GALR1: variants seen among roughly 807,000 people sequenced by gnomAD.
GALR1 encodes galanin receptor type 1.
GALR1 carries 11 observed loss-of-function variants against 17.9 expected under a neutral mutation model. The ratio of observed to expected loss-of-function variants is 0.62; its 90% CI spans 0.39 to 1.02. The LOEUF (loss-of-function observed/expected upper bound fraction) is 1.02, where lower values mean the gene tolerates loss of function less well. GALR1 is among the 50% of genes least tolerant of loss of function. The pLI, the probability that GALR1 is intolerant of heterozygous loss-of-function variation, is 0.01. For synonymous variants in GALR1, 206 were observed against 205.7 expected (o/e 1.00, Z -0.01); for missense variants, 441 against 456.9 (o/e 0.97, Z 0.32).
At position 77,271,257 on chromosome 18, in the gene GALR1, C is replaced by CA. The variant is rs1293146503; in HGVS notation, c.*2355_*2356insA. The CA allele has an allele frequency of 9.6e-6, 1 of 103,808 alleles. No individual in the cohort carries two copies. Among genetic ancestry groups the CA allele is most frequent in the African/African-American group, 3.8e-5 (1 of 26,468 alleles). 6.4% of individuals were successfully genotyped at this position (103,808 alleles called of 1,614,324 possible). A position where few individuals can be genotyped will look rare whatever the true frequency, so the allele number is the denominator to read the frequency against. Reference sequence around the variant, plus strand: ...AGCTTGCGCTTGAAACCCCCCCCCCCCCGCCACTTTGCTAAATGTAAATGC... The same window carrying CA: ...AGCTTGCGCTTGAAACCCCCCCCCCCACCGCCACTTTGCTAAATGTAAATGC... On this transcript the variant is annotated 3_prime_UTR_variant, in exon 3 of 3. Transcript: ENST00000299727.
chr18:77,263,599 A>G (rs905265938), intron 2 of GALR1, among the ~76,000 whole-genome samples: 4 of 152,126 alleles, frequency 2.6e-5, no homozygotes, highest in Non-Finnish European at 5.9e-5. Flanking sequence ...CTTAACTCTC[A>G]TCTCCTGTCC....
chr18:77,269,090 T>A lies in GALR1; in HGVS notation c.*188T>A. 1.8e-6 allele frequency: 1 copy of A among 570,804 alleles called. No homozygotes were observed. Among genetic ancestry groups the A allele is most frequent in the South Asian group, 2.3e-5 (1 of 42,900 alleles). 35.4% of individuals were successfully genotyped at this position (570,804 alleles called of 1,614,324 possible). On this transcript the variant is annotated 3_prime_UTR_variant, in exon 3 of 3. Coordinates refer to ENST00000299727, the MANE Select transcript of GALR1 (RefSeq NM_001480.4). ...AGGAAATTCCTAGGTCTAGTGAGAA[T>A]TATTTTTCAATTTTATTTTAGTTCT...
rs748507471 is a variant in GALR1 at position 77,272,105 on chromosome 18, A to G, written c.*3203A>G. The G allele has an allele frequency of 6.6e-6, 1 of 152,148 alleles. No individual in the cohort carries two copies. The highest frequency in any genetic ancestry group is 1.5e-5 in the Non-Finnish European group (1 of 68,020). 9.4% of individuals were successfully genotyped at this position (152,148 alleles called of 1,614,324 possible). A position where few individuals can be genotyped will look rare whatever the true frequency, so the allele number is the denominator to read the frequency against. Reference sequence around the variant, plus strand: ...AATCTCTTGTGCTTTTATCTTTTTTATCCTAACTCACTTCTATCCAGATTT... The same window carrying G: ...AATCTCTTGTGCTTTTATCTTTTTTGTCCTAACTCACTTCTATCCAGATTT... On this transcript the variant is annotated 3_prime_UTR_variant, in exon 3 of 3. Transcript: ENST00000299727.
chr18:77,250,633 A>C lies in GALR1; in HGVS notation c.85A>C (p.Ile29Leu). 6.3e-7 allele frequency: 1 copy of C among 1,596,048 alleles called. No homozygotes were observed. Among genetic ancestry groups the C allele is most frequent in the African/African-American group, 1.3e-5 (1 of 74,552 alleles). ...CCCGGAGCCCGGGCCGCTGTTCGGC[A>C]TCGGCGTGGAGAACTTCGTCACGCT... is the stretch of plus-strand genomic sequence containing the variant. ...PAPEPGPLFG[I>L]GVENFVTLVV... The change falls in exon 1 of 3, where the codon ATC (isoleucine) becomes CTC (leucine). Residue 29 changes from isoleucine to leucine, a missense_variant. Transcript: ENST00000299727.
rs369056851 is a variant in GALR1, at chr18:77,262,481, AT to A, written c.733-6103del. 2.6e-4 allele frequency among the ~76,000 whole-genome samples: 40 copies of A among 152,284 alleles called. No homozygotes were observed. The South Asian group carries it at 7.9e-3, about 30-fold the overall frequency. Reference sequence around the variant, plus strand: ...TTGCAAGGGAAGAATGAAGACAAAAATCATCTACTGTTTTCAACCATGCACA... The same window carrying A: ...TTGCAAGGGAAGAATGAAGACAAAAACATCTACTGTTTTCAACCATGCACA... On this transcript the variant is annotated intron_variant, in intron 2 of 2. Transcript: ENST00000299727.
At position 77,269,079 on chromosome 18, in the gene GALR1, T is replaced by C. The variant is rs1599365885; in HGVS notation, c.*177T>C. 3 of 586,182 alleles carry C rather than the reference T, an allele frequency of 5.1e-6. No individual in the cohort carries two copies. Among genetic ancestry groups the C allele is most frequent in the East Asian group, 5.8e-5 (2 of 34,770 alleles). 36.3% of individuals were successfully genotyped at this position (586,182 alleles called of 1,614,324 possible). ...TTGATCCATTTAGGAAATTCCTAGG[T>C]CTAGTGAGAATTATTTTTCAATTTT... On this transcript the variant is annotated 3_prime_UTR_variant, in exon 3 of 3. Coordinates refer to ENST00000299727, the MANE Select transcript of GALR1 (RefSeq NM_001480.4).
chr18:77,262,782 C>T (rs1912860690), intron 2 of GALR1, among the ~76,000 whole-genome samples: 1 of 152,198 alleles, frequency 6.6e-6, no homozygotes, highest in Admixed American at 6.5e-5. Context: ...CCCATTAAGC[C>T]TTCTTTCCTG....
intron 1 of GALR1, among the ~76,000 whole-genome samples, chr18:77,252,926 C>CCACCACCACCACCACCACCACCAT (rs1912477348): frequency 4.4e-5 from 2 of 45,958 alleles, no homozygotes; most frequent in Admixed American, 2.1e-4. Flanking sequence ...ACCACCATCA[C>CCACCACCACCACCACCACCACCAT]CACCACCACC....
At chr18:77,266,928 C>T (rs1912955240) in intron 2 of GALR1, among the ~76,000 whole-genome samples, 1 of 152,204 alleles carries the variant, frequency 6.6e-6, no homozygotes. Flanking sequence ...GGATTGCTGC[C>T]AGCTCACGCT....
intron 2 of GALR1, among the ~76,000 whole-genome samples, chr18:77,258,411 TC>T (rs199755265): frequency 0.014 from 2,144 of 151,862 alleles, 28 homozygotes; most frequent in Middle Eastern, 0.052. Flanking sequence ...TTTAATTGCC[TC>T]CTTGTTTGCA....
chr18:77,257,443 T>G (rs1912616062), intron 2 of GALR1, among the ~76,000 whole-genome samples: 1 of 152,238 alleles, frequency 6.6e-6, no homozygotes, highest in Non-Finnish European at 1.5e-5. Context: ...AATATTTCAT[T>G]TTAGGCATCT....
intron 2 of GALR1, among the ~76,000 whole-genome samples, chr18:77,266,538 T>C (rs1298882096): frequency 6.6e-6 from 1 of 152,220 alleles, no homozygotes; most frequent in Non-Finnish European, 1.5e-5. Context: ...CAGTACCAAT[T>C]TACCGTATTA....
At chr18:77,263,584 G>C (rs72980620) in intron 2 of GALR1, among the ~76,000 whole-genome samples, 1 of 151,992 alleles carries the variant, frequency 6.6e-6, no homozygotes, top group Non-Finnish European at 1.5e-5. Context: ...CCTCTCGATA[G>C]GGAGCTTAAC....
rs1196520967 is a variant in GALR1 at position 77,273,493 on chromosome 18, T to A, written c.*4591T>A. 2 of 151,808 alleles carry A rather than the reference T, an allele frequency of 1.3e-5. No individual in the cohort carries two copies. The highest frequency in any genetic ancestry group is 2.4e-5 in the African/African-American group (1 of 41,292). The allele number at this position is 151,808 out of a possible 1,614,324, so 9.4% of individuals were successfully genotyped here. ...CCGTCTCTACTAAAAATACAAAAAT[T>A]AGCTGGGGGCACACATGTGTGATCC... On this transcript the variant is annotated 3_prime_UTR_variant, in exon 3 of 3. Transcript: ENST00000299727.
rs1350878956 is a variant in GALR1 at position 77,250,760 on chromosome 18, A to C, written c.212A>C (p.Asn71Thr). The C allele has an allele frequency of 1.2e-6, 2 of 1,613,948 alleles. No individual in the cohort carries two copies. Among genetic ancestry groups the C allele is most frequent in the Admixed American group, 3.3e-5 (2 of 60,032 alleles). Residue 71 changes from asparagine to threonine, a missense_variant, in exon 1 of 3, where the codon AAC (asparagine) becomes ACC (threonine). Asn to Thr is a moderately conservative substitution (Grantham distance 65). Transcript: ENST00000299727. ...SKPGKPRSTT[N>T]LFILNLSIAD... Reference sequence around the variant, plus strand: ...CCGGGCAAGCCGCGGAGCACCACCAACCTGTTCATCCTCAACCTGAGCATC... The same window carrying C: ...CCGGGCAAGCCGCGGAGCACCACCACCCTGTTCATCCTCAACCTGAGCATC...
chr18:77,252,986 C>G (rs1568139233), intron 1 of GALR1, among the ~76,000 whole-genome samples: 1 of 46,424 alleles, frequency 2.2e-5, no homozygotes. Flanking sequence ...ACCATCACCA[C>G]CATCACCACC....
chr18:77,271,233 G>T lies in GALR1; in HGVS notation c.*2331G>T. On this transcript the variant is annotated 3_prime_UTR_variant, in exon 3 of 3. Coordinates refer to ENST00000299727, the MANE Select transcript of GALR1 (RefSeq NM_001480.4). ...TTGAGGCATGGTACAAAAAGTAATA[G>T]CTTGCGCTTGAAACCCCCCCCCCCC... The T allele has an allele frequency of 7.2e-6, 1 of 138,006 alleles. No individual in the cohort carries two copies. Among genetic ancestry groups the T allele is most frequent in the African/African-American group, 2.8e-5 (1 of 36,030 alleles). The allele number at this position is 138,006 out of a possible 1,614,324, so 8.5% of individuals were successfully genotyped here. A position where few individuals can be genotyped will look rare whatever the true frequency, so the allele number is the denominator to read the frequency against.
intron 2 of GALR1, among the ~76,000 whole-genome samples, chr18:77,263,386 T>A (rs1912875613): frequency 6.6e-6 from 1 of 152,166 alleles, no homozygotes; most frequent in South Asian, 2.1e-4. Flanking sequence ...ACCTGAGTTG[T>A]TTGTCGTGTT....
At position 77,275,052 on chromosome 18, in the gene GALR1, G is replaced by C. The variant is rs1439323783; in HGVS notation, c.*6150G>C. ...CATCTAACAGAAACGCAAGCTTCAAGAGCAAGTTATTTTTATAACAGATCA... is the reference window on the plus strand; with the variant it reads ...CATCTAACAGAAACGCAAGCTTCAACAGCAAGTTATTTTTATAACAGATCA... On this transcript the variant is annotated 3_prime_UTR_variant, in exon 3 of 3. Coordinates refer to ENST00000299727, the MANE Select transcript of GALR1 (RefSeq NM_001480.4). 2 of 152,230 alleles carry C rather than the reference G, an allele frequency of 1.3e-5. No individual in the cohort carries two copies. The highest frequency in any genetic ancestry group is 3.9e-4 in the East Asian group (2 of 5,194). 9.4% of individuals were successfully genotyped at this position (152,230 alleles called of 1,614,324 possible).
Sources: gnomAD v4.1 joint callset for allele counts (sites outside exome capture counted in the v4.1 genomes callset) on GRCh38, gnomAD v4.1.1 for gene constraint, MANE v1.5 for transcripts, NCBI Gene and HGNC (gene_info 2026-07-23, HGNC 2026-07-21) for gene names.